PELI3: variants seen among roughly 807,000 people sequenced by gnomAD.
The protein encoded by PELI3 is pellino E3 ubiquitin protein ligase family member 3, also known as E3 ubiquitin-protein ligase pellino homolog 3.
In PELI3, 19 loss-of-function variants were observed where a neutral mutation model predicts 35.5. That is an observed-to-expected ratio of 0.54 (90% CI 0.37 to 0.79). PELI3 has a LOEUF of 0.79. PELI3 is among the 30% of genes least tolerant of loss of function. PELI3 has a pLI of 0.00. For missense variants in PELI3, 490 were observed against 661.2 expected (o/e 0.74, Z 2.84); for synonymous variants, 262 against 279.2 (o/e 0.94, Z 0.62).
chr11:66,473,201 A>G lies in PELI3; in HGVS notation c.457-40A>G, dbSNP rs1201235070. ...GAGGGAAGGCCCATGAGAGTCCCCT[A>G]TGTACATACAGTCCCTGCTTGCTCT... On this transcript the variant is annotated intron_variant, in intron 5 of 7. Coordinates refer to ENST00000320740, the MANE Select transcript of PELI3 (RefSeq NM_145065.3). This position sits in a 1 kb window ranked among gnomAD's most constrained non-coding sequence, Gnocchi z 5.8. The G allele has an allele frequency of 2.2e-5, 34 of 1,554,796 alleles. No individual in the cohort carries two copies. Among genetic ancestry groups the G allele is most frequent in the Non-Finnish European group, 2.7e-5 (31 of 1,143,782 alleles).
At position 66,473,341 on chromosome 11, in the gene PELI3, G is replaced by A. The variant is rs1044804166; in HGVS notation, c.557G>A (p.Arg186His). ...EGPSAQSTISRYACRILCDRR... is the reference protein window; with the variant it reads ...EGPSAQSTISHYACRILCDRR... ...CCTTCTGCCCAGAGCACCATCTCCC[G>A]CTATGCCTGCCGCATCCTCTGTGAC... The change falls in exon 6 of 8, where the codon CGC (arginine) becomes CAC (histidine). Residue 186 changes from arginine (R) to histidine (H), a missense_variant. By Grantham distance (29) the Arg-to-His change is conservative (BLOSUM62 0). This residue lies in a region of PELI3 where 349 missense variants were observed against 484.8 expected (regional missense o/e 0.72). Transcript: ENST00000320740. This position sits in a 1 kb window ranked among gnomAD's most constrained non-coding sequence, Gnocchi z 5.8. 2.5e-6 allele frequency: 4 copies of A among 1,613,180 alleles called. No individual in the cohort carries two copies. Among genetic ancestry groups the A allele is most frequent in the Non-Finnish European group, 3.4e-6 (4 of 1,180,022 alleles).
In PELI3 at chr11:66,473,942, A is replaced by G; in HGVS notation, c.840+17A>G. 1 of 1,611,694 alleles carries G rather than the reference A, an allele frequency of 6.2e-7. No homozygotes were observed. The highest frequency in any genetic ancestry group is 8.5e-7 in the Non-Finnish European group (1 of 1,179,900). On this transcript the variant is annotated intron_variant, in intron 7 of 7. Coordinates refer to ENST00000320740, the MANE Select transcript of PELI3 (RefSeq NM_145065.3). This position sits in a 1 kb window ranked among gnomAD's most constrained non-coding sequence, Gnocchi z 5.8. ...GGCAAGCTGGTAGGTGGCCCGCTCCATTCCCCACCCCTATCCTTGCCAGGC... is the reference window on the plus strand; with the variant it reads ...GGCAAGCTGGTAGGTGGCCCGCTCCGTTCCCCACCCCTATCCTTGCCAGGC...
At chr11:66,471,528 G>C (rs1854716401) in intron 4 of PELI3, among the ~76,000 whole-genome samples, 157 bp downstream of exon 4, 2 of 152,176 alleles carry the variant, frequency 1.3e-5, no homozygotes, top group Non-Finnish European at 2.9e-5. Flanking sequence ...CGAGAATGGT[G>C]ATGAAAAATC....
At chr11:66,470,714 G>C (rs1325090870) in intron 3 of PELI3, among the ~76,000 whole-genome samples, 3 of 152,228 alleles carry the variant, frequency 2.0e-5, no homozygotes. Flanking sequence ...TTTTGGTTTT[G>C]AGTAGTGGTG....
rs1274009202 is a variant in PELI3, at chr11:66,475,978, C to T, written c.1221C>T (p.Asp407=). The T allele has an allele frequency of 2.5e-6, 4 of 1,611,858 alleles. No individual in the cohort carries two copies. The highest frequency in any genetic ancestry group is 1.3e-5 in the African/African-American group (1 of 74,932). Reference sequence around the variant, plus strand: ...GCCAGGAGGCCGGCCTCTGCCTGGACCCTGGGCCGCCTAGCCATGCCTTTG... The same window carrying T: ...GCCAGGAGGCCGGCCTCTGCCTGGATCCTGGGCCGCCTAGCCATGCCTTTG... ...WLGQEAGLCL[D]PGPPSHAFAP... Residue 407 remains aspartate (D), a synonymous_variant, in exon 8 of 8, where the codon GAC becomes GAT. Transcript: ENST00000320740.
chr11:66,470,089 T>G (rs1373628904), intron 3 of PELI3, among the ~76,000 whole-genome samples: 1 of 152,170 alleles, frequency 6.6e-6, no homozygotes, highest in Non-Finnish European at 1.5e-5. Flanking sequence ...TGTGAGCCAC[T>G]GCGCCCGGCC....
intron 3 of PELI3, 27 bp from the exon 4 acceptor site, chr11:66,471,215 C>G (rs1313623369): frequency 3.8e-6 from 6 of 1,597,314 alleles, no homozygotes; most frequent in Non-Finnish European, 5.1e-6. Context: ...CTTGCAACCC[C>G]TTCTTCTTAA....
At chr11:66,472,333 G>A (rs1854751433) in intron 4 of PELI3, 36 bp from the exon 5 acceptor site, 3 of 1,538,550 alleles carry the variant, frequency 1.9e-6, no homozygotes, top group Admixed American at 1.7e-5. Context: ...TATCATGGCT[G>A]CACACCCTGG....
Position 66,476,477 on chromosome 11 carries a change from G to A in PELI3, c.*310G>A, listed in dbSNP as rs1854925128. On this transcript the variant is annotated 3_prime_UTR_variant, in exon 8 of 8. Transcript: ENST00000320740. Reference sequence around the variant, plus strand: ...GCCGCCGACACTGTGTGCCCCTGGGGGAGTGAAGGGGCCAGGGGCCTTTGA... The same window carrying A: ...GCCGCCGACACTGTGTGCCCCTGGGAGAGTGAAGGGGCCAGGGGCCTTTGA... 2.4e-6 allele frequency: 1 copy of A among 414,104 alleles called. No individual in the cohort carries two copies. The highest frequency in any genetic ancestry group is 4.4e-6 in the Non-Finnish European group (1 of 228,840). The allele number at this position is 414,104 out of a possible 1,614,324, so 25.7% of individuals were successfully genotyped here.
rs199883580 is a variant in PELI3, at chr11:66,468,821, A to G, written c.153-12A>G. 9.0e-6 allele frequency: 7 copies of G among 779,540 alleles called. No homozygotes were observed. Among genetic ancestry groups the G allele is most frequent in the Middle Eastern group, 2.3e-4 (1 of 4,260 alleles). The allele number at this position is 779,540 out of a possible 1,614,324, so 48.3% of individuals were successfully genotyped here. A position where few individuals can be genotyped will look rare whatever the true frequency, so the allele number is the denominator to read the frequency against. On this transcript the variant is annotated splice_polypyrimidine_tract_variant and intron_variant, in intron 2 of 7. Coordinates refer to ENST00000320740, the MANE Select transcript of PELI3 (RefSeq NM_145065.3). The stretch of plus-strand genomic sequence containing the variant: ...CTTTCATGGACATTATTTCATTTCA[A>G]TCTTCACAAAGATGCTGTGAGGAAG...
In PELI3 at chr11:66,475,855, T is replaced by C. The variant is rs752514383; in HGVS notation, c.1098T>C (p.His366=). The C allele has an allele frequency of 1.9e-6, 3 of 1,607,296 alleles. No homozygotes were observed. The highest frequency in any genetic ancestry group is 1.1e-5 in the South Asian group (1 of 90,562). ...PWVYVRCGHV[H]GYHGWGCRRE... ...TCTACGTCCGCTGCGGGCACGTCCA[T>C]GGCTACCACGGCTGGGGCTGCCGGC... is the stretch of plus-strand genomic sequence containing the variant. The change falls in exon 8 of 8, where the codon CAT becomes CAC. Residue 366 remains histidine, a synonymous_variant. Transcript: ENST00000320740.
rs1854618312 is a variant in PELI3 at position 66,468,715 on chromosome 11, G to C, written c.153-118G>C. The C allele has an allele frequency of 5.3e-6, 3 of 566,106 alleles. No homozygotes were observed. In the South Asian group the frequency reaches 7.0e-5, roughly 13 times the overall value. The allele number at this position is 566,106 out of a possible 1,614,324, so 35.1% of individuals were successfully genotyped here. ...TCCTCAGAGGGTTGTTGGAAGAAATGAATGAGGTGATTTCTGTAAAGTACA... is the reference window on the plus strand; with the variant it reads ...TCCTCAGAGGGTTGTTGGAAGAAATCAATGAGGTGATTTCTGTAAAGTACA... On this transcript the variant is annotated intron_variant, in intron 2 of 7. Coordinates refer to ENST00000320740, the MANE Select transcript of PELI3 (RefSeq NM_145065.3).
At chr11:66,469,481 C>T (rs1293224377) in intron 3 of PELI3, among the ~76,000 whole-genome samples, 1 of 152,244 alleles carries the variant, frequency 6.6e-6, no homozygotes, top group African/African-American at 2.4e-5. Context: ...ACTGTCCCAC[C>T]TCAAGACCTG....
chr11:66,467,403 C>G lies in PELI3; in HGVS notation c.-2+376C>G, dbSNP rs971211356. On this transcript the variant is annotated intron_variant, in intron 1 of 7. Transcript: ENST00000320740. This position sits in a 1 kb window ranked among gnomAD's most constrained non-coding sequence, Gnocchi z 4.2. The stretch of plus-strand genomic sequence containing the variant: ...TGCGGGAGACGGCTGTGCTGCAGCC[C>G]GAGCTCGAGGGGGGAGCGCCGCCTC... The G allele has an allele frequency of 1.3e-5, 2 of 152,006 alleles. No individual in the cohort carries two copies. Among genetic ancestry groups the G allele is most frequent in the African/African-American group, 2.4e-5 (1 of 41,394 alleles). 9.4% of individuals were successfully genotyped at this position (152,006 alleles called of 1,614,324 possible). A position where few individuals can be genotyped will look rare whatever the true frequency, so the allele number is the denominator to read the frequency against.
At chr11:66,474,069 A>AG in intron 7 of PELI3, 144 bp downstream of exon 7, 1 of 1,112,386 alleles carries the variant, frequency 9.0e-7, no homozygotes, top group Non-Finnish European at 1.3e-6. Context: ...TCCCAGGCCC[A>AG]GGGGGTTCTT....
intron 5 of PELI3, 27 bp downstream of exon 5, chr11:66,472,497 C>A: frequency 6.3e-7 from 1 of 1,586,144 alleles, no homozygotes; most frequent in Non-Finnish European, 8.7e-7. Context: ...CCACACACCT[C>A]CTGGCCACCA....
chr11:66,469,789 C>CT (rs1321074682), intron 3 of PELI3, among the ~76,000 whole-genome samples: 2 of 110,892 alleles, frequency 1.8e-5, no homozygotes, highest in African/African-American at 7.1e-5. Context: ...ACCAGGGAAT[C>CT]TGTTTTTTTT....
rs1283650324 is a variant in PELI3, at chr11:66,471,932, TCA to T, written c.355-435_355-434del. Among the ~76,000 whole-genome samples, 3 of 152,016 alleles carry T rather than the reference TCA, an allele frequency of 2.0e-5. No individual in the cohort carries two copies. In the East Asian group the frequency reaches 5.8e-4, roughly 29 times the overall value. ...TGGAGTACAGTGGTGCGATCTCAGC[TCA>T]CTGCAAGCTCTGCCTCCCGGGTTCA... is the stretch of plus-strand genomic sequence containing the variant. On this transcript the variant is annotated intron_variant, in intron 4 of 7. Transcript: ENST00000320740.
In PELI3 at chr11:66,473,637, G is replaced by C. The variant is rs956961240; in HGVS notation, c.652-100G>C. 14 of 1,491,002 alleles carry C rather than the reference G, an allele frequency of 9.4e-6. No individual in the cohort carries two copies. In the African/African-American group the frequency reaches 2.0e-4, roughly 21 times the overall value. The allele number at this position is 1,491,002 out of a possible 1,614,324, so 92.4% of individuals were successfully genotyped here. A position where few individuals can be genotyped will look rare whatever the true frequency, so the allele number is the denominator to read the frequency against. The stretch of plus-strand genomic sequence containing the variant: ...GCAGCTTCAATGCCAGTCCTCTCTG[G>C]GCCGCCTCTGAACTTGAAGGTAGCG... On this transcript the variant is annotated intron_variant, in intron 6 of 7. Transcript: ENST00000320740. This position sits in a 1 kb window ranked among gnomAD's most constrained non-coding sequence, Gnocchi z 5.8.
Sources: allele counts gnomAD v4.1 joint callset (sites outside exome capture counted in the v4.1 genomes callset), GRCh38; gene constraint gnomAD v4.1.1; regional missense constraint gnomAD v4.1.1; non-coding constraint Gnocchi (gnomAD v3.1); transcripts MANE v1.5; gene names NCBI Gene and HGNC (gene_info 2026-07-23, HGNC 2026-07-21).